TEX9: variants seen among roughly 807,000 people sequenced by gnomAD.
TEX9 encodes the protein testis-expressed protein 9.
Under a neutral mutation model 59.6 loss-of-function variants are expected in TEX9, and 74 were observed. The observed-to-expected ratio is 1.24, with a 90% CI of 1.03 to 1.51. TEX9 has a LOEUF of 1.51. TEX9 is among the 40% of genes most tolerant of loss of function. TEX9 has a pLI of 0.00. For missense variants in TEX9, 522 were observed against 447.8 expected (o/e 1.17, Z -1.49); for synonymous variants, 186 against 152.2 (o/e 1.22, Z -1.64).
intron 1 of TEX9, among the ~76,000 whole-genome samples, chr15:56,346,791 CTG>C (rs2141856137): frequency 6.6e-6 from 1 of 152,232 alleles, no homozygotes; most frequent in Non-Finnish European, 1.5e-5. Flanking sequence ...AAAAATAAAA[CTG>C]TCACTATTTG....
intron 12 of TEX9, chr15:56,431,382 A>C: frequency 1.9e-6 from 3 of 1,611,556 alleles, no homozygotes; most frequent in Non-Finnish European, 2.5e-6. Context: ...CTTTAGGGAG[A>C]TAGCCTAGTA....
At position 56,360,255 on chromosome 15, in the gene TEX9, A is replaced by T. The variant is rs368216219; in HGVS notation, c.-106-13186A>T. ...TGCTAGAGTCATGGAATGAGTTGGGAAGTGTTCCTTCTGCCTTTATTTTCC... is the reference window on the plus strand; with the variant it reads ...TGCTAGAGTCATGGAATGAGTTGGGTAGTGTTCCTTCTGCCTTTATTTTCC... On this transcript the variant is annotated intron_variant, in intron 1 of 5. Coordinates refer to the TEX9 transcript ENST00000560827. Among the ~76,000 whole-genome samples, 449 of 152,246 alleles carry T rather than the reference A, an allele frequency of 2.9e-3. 2 individuals carry two copies. Among genetic ancestry groups the T allele is most frequent in the African/African-American group, 9.8e-3 (407 of 41,542 alleles).
At chr15:56,264,838 A>G (rs1380164094) in intron 1 of TEX9, among the ~76,000 whole-genome samples, 1 of 152,140 alleles carries the variant, frequency 6.6e-6, no homozygotes, top group Non-Finnish European at 1.5e-5. Context: ...CCTTTTCCAC[A>G]CTATGTTTTA....
chr15:56,374,885 T>C (rs1460999638), intron 3 of TEX9, among the ~76,000 whole-genome samples: 1 of 152,202 alleles, frequency 6.6e-6, no homozygotes, highest in Non-Finnish European at 1.5e-5. Context: ...GGCCTCATTA[T>C]TTTTTATGGC....
chr15:56,248,541 T>G (rs2043922562), intron 1 of TEX9, among the ~76,000 whole-genome samples: 1 of 152,240 alleles, frequency 6.6e-6, no homozygotes, highest in South Asian at 2.1e-4. Flanking sequence ...GTGAGTAGTA[T>G]GATGAAACAA....
chr15:56,373,080 G>T (rs1270558532), intron 2 of TEX9, among the ~76,000 whole-genome samples: 1 of 152,178 alleles, frequency 6.6e-6, no homozygotes, highest in African/African-American at 2.4e-5. Context: ...TGTCTCTGGA[G>T]AAGCAAGGTT....
intron 1 of TEX9, among the ~76,000 whole-genome samples, chr15:56,318,785 T>C (rs574205735): frequency 6.6e-6 from 1 of 152,238 alleles, no homozygotes; most frequent in South Asian, 2.1e-4. Context: ...TAATAGTATA[T>C]AAAAATTTGC....
intron 1 of TEX9, among the ~76,000 whole-genome samples, chr15:56,310,126 C>T (rs1358448827): frequency 6.6e-6 from 1 of 152,160 alleles, no homozygotes; most frequent in Non-Finnish European, 1.5e-5. Context: ...TGGCTTTGAT[C>T]TCTTAGAAAT....
intron 1 of TEX9, among the ~76,000 whole-genome samples, chr15:56,264,598 A>G (rs1234573742): frequency 2.6e-5 from 4 of 152,212 alleles, no homozygotes; most frequent in Admixed American, 2.0e-4. Flanking sequence ...ATTTTGATGG[A>G]CAAGTATTTA....
At chr15:56,356,968 T>C (rs1239703979) in intron 1 of TEX9, among the ~76,000 whole-genome samples, 2 of 152,098 alleles carry the variant, frequency 1.3e-5, no homozygotes, top group African/African-American at 4.8e-5. Flanking sequence ...ATCTCGTATT[T>C]AGCTGGGTCC....
At chr15:56,452,021 T>C in the TEX9 span, among the ~76,000 whole-genome samples, 1 of 152,214 alleles carries the variant, frequency 6.6e-6, no homozygotes, top group Non-Finnish European at 1.5e-5. Context: ...CAAATATGTT[T>C]ACTATAACTA....
intron 1 of TEX9, among the ~76,000 whole-genome samples, chr15:56,316,995 C>T (rs1214331572): frequency 1.3e-5 from 2 of 152,216 alleles, no homozygotes; most frequent in South Asian, 2.1e-4. Flanking sequence ...GGCAATGCCT[C>T]GCCCTGCTTC....
chr15:56,353,978 T>C (rs2046635121), intron 1 of TEX9, among the ~76,000 whole-genome samples: 1 of 152,226 alleles, frequency 6.6e-6, no homozygotes, highest in Non-Finnish European at 1.5e-5. Context: ...AGATGGGTTA[T>C]CTTATTTTTC....
chr15:56,404,710 T>C (rs1420978005), intron 9 of TEX9, among the ~76,000 whole-genome samples: 1 of 152,128 alleles, frequency 6.6e-6, no homozygotes, highest in Non-Finnish European at 1.5e-5. Context: ...CTATTCACAA[T>C]AGCAAAGACT....
intron 9 of TEX9, chr15:56,395,065 C>G: frequency 1.9e-6 from 1 of 514,794 alleles, no homozygotes. Context: ...GCAACTATCA[C>G]CACAACCATT....
intron 1 of TEX9, among the ~76,000 whole-genome samples, chr15:56,290,473 A>G (rs2718948): frequency 0.031 from 4,785 of 152,040 alleles, 184 homozygotes; most frequent in East Asian, 0.095. Context: ...TTTTCAATAC[A>G]GGTCTTGCTC....
At chr15:56,310,358 G>T (rs1330869784) in intron 1 of TEX9, among the ~76,000 whole-genome samples, 1 of 152,182 alleles carries the variant, frequency 6.6e-6, no homozygotes, top group Non-Finnish European at 1.5e-5. Flanking sequence ...CTTGAACCCG[G>T]GAGGTGGAGA....
intron 12 of TEX9, chr15:56,444,818 GTTA>G (rs1284067845): frequency 9.8e-6 from 7 of 712,996 alleles, no homozygotes; most frequent in East Asian, 2.8e-5. Flanking sequence ...GCAAAAGTAA[GTTA>G]TTATTACCTG....
intron 1 of TEX9, among the ~76,000 whole-genome samples, chr15:56,296,448 G>A (rs536364354): frequency 1.3e-5 from 2 of 152,254 alleles, no homozygotes; most frequent in East Asian, 3.9e-4. Context: ...ATTAAAATTA[G>A]CTGGGGATTT....
Sources: allele counts gnomAD v4.1 joint callset (sites outside exome capture counted in the v4.1 genomes callset), GRCh38; gene constraint gnomAD v4.1.1; transcripts MANE v1.5; gene names NCBI Gene and HGNC (gene_info 2026-07-23, HGNC 2026-07-21).